Variants in PAMR1 observed in about 807,000 individuals in gnomAD.
The protein encoded by PAMR1 is peptidase domain containing associated with muscle regeneration 1, also known as inactive serine protease PAMR1.
PAMR1 carries 88 observed loss-of-function variants against 81.8 expected under a neutral mutation model. That is an observed-to-expected ratio of 1.08 (90% confidence interval 0.91 to 1.28). The LOEUF (loss-of-function observed/expected upper bound fraction) is 1.28, where lower values mean the gene tolerates loss of function less well. PAMR1 is among the 50% of genes most tolerant of loss of function. The probability of loss-of-function intolerance (pLI) is 0.00; values close to 1 mark genes in which losing one functional copy is unlikely to be tolerated. For missense variants in PAMR1, 935 were observed against 919.7 expected, an observed-to-expected ratio of 1.02 and a Z score of -0.21; for synonymous variants, 336 against 345.3, an observed-to-expected ratio of 0.97 and a Z score of 0.30.
At chr11:35,476,490 T>C (rs1458790510) in intron 3 of PAMR1, among the ~76,000 whole-genome samples, 1 of 152,148 alleles carries the variant, frequency 6.6e-6, no homozygotes, top group Admixed American at 6.5e-5. Context: ...CCTGCTGCCA[T>C]GTGAAGAAGG....
In PAMR1 at chr11:35,432,247, C is replaced by G. The variant is rs1855922104; in HGVS notation, c.*109G>C. 9.4e-7 allele frequency: 1 copy of G among 1,061,054 alleles called. No individual in the cohort carries two copies. The allele number at this position is 1,061,054 out of a possible 1,614,324, so 65.7% of individuals were successfully genotyped here. On this transcript the variant is annotated 3_prime_UTR_variant, in exon 11 of 11. Transcript: ENST00000619888. The stretch of plus-strand genomic sequence containing the variant: ...GTCCCTGAAGTCAGAAGCCCTGGCA[C>G]AGCCAAGTTCACAGGCCAAATCACA...
chr11:35,441,448 T>C (rs1856162499), intron 7 of PAMR1, 33 bp downstream of exon 7: 1 of 1,510,530 alleles, frequency 6.6e-7, no homozygotes, highest in Admixed American at 1.7e-5. Flanking sequence ...ACTTCATCAA[T>C]GTCCGTAGAC....
intron 1 of PAMR1, among the ~76,000 whole-genome samples, chr11:35,497,038 A>G (rs912081081): frequency 9.9e-5 from 15 of 152,112 alleles, no homozygotes; most frequent in Non-Finnish European, 2.9e-5. Flanking sequence ...GCAGTGGTGC[A>G]CACCTGTAAT....
At chr11:35,499,338 T>C (rs1438861892) in intron 1 of PAMR1, among the ~76,000 whole-genome samples, 2 of 152,190 alleles carry the variant, frequency 1.3e-5, no homozygotes, top group Non-Finnish European at 2.9e-5. Context: ...GAACAGCGAA[T>C]ATGCCCATGG....
At chr11:35,444,925 T>C (rs1388040690) in intron 6 of PAMR1, among the ~76,000 whole-genome samples, 2 of 152,228 alleles carry the variant, frequency 1.3e-5, no homozygotes, top group African/African-American at 4.8e-5. Context: ...ATAAATTACT[T>C]TGGGCAGTAT....
chr11:35,513,938 T>A (rs1851117981), intron 1 of PAMR1, among the ~76,000 whole-genome samples: 1 of 152,166 alleles, frequency 6.6e-6, no homozygotes, highest in Non-Finnish European at 1.5e-5. Flanking sequence ...GCACCTTCCC[T>A]CCAGTCCATG....
At chr11:35,507,209 G>A (rs1044393796) in intron 1 of PAMR1, among the ~76,000 whole-genome samples, 2 of 151,780 alleles carry the variant, frequency 1.3e-5, no homozygotes, top group East Asian at 1.9e-4. Context: ...CACCAAGCCC[G>A]GCTAATTTTG....
intron 5 of PAMR1, among the ~76,000 whole-genome samples, chr11:35,469,715 CCTT>C (rs1856815403): frequency 6.6e-6 from 1 of 152,184 alleles, no homozygotes; most frequent in Non-Finnish European, 1.5e-5. Context: ...CAGCCACCCA[CCTT>C]CTTTCCTGAG....
At chr11:35,466,883 C>T (rs1856768012) in intron 6 of PAMR1, among the ~76,000 whole-genome samples, 1 of 152,032 alleles carries the variant, frequency 6.6e-6, no homozygotes, top group South Asian at 2.1e-4. Context: ...TGGTGCTCTG[C>T]CCTCGGGTCT....
rs537014402 is a variant in PAMR1, at chr11:35,504,021, G to A, written c.74-9749C>T. 3.9e-5 allele frequency among the ~76,000 whole-genome samples: 6 copies of A among 152,072 alleles called. No individual in the cohort carries two copies. The East Asian group carries it at 9.6e-4, about 24-fold the overall frequency. Reference sequence around the variant, plus strand: ...ATTGGCTGTTGGTTTGTCACATATGGCCTTTATTATTTTGGACTATGTTCT... The same window carrying A: ...ATTGGCTGTTGGTTTGTCACATATGACCTTTATTATTTTGGACTATGTTCT... On this transcript the variant is annotated intron_variant, in intron 1 of 10. Transcript: ENST00000619888.
intron 1 of PAMR1, among the ~76,000 whole-genome samples, chr11:35,507,235 T>TG (rs909908618): frequency 4.0e-5 from 6 of 151,858 alleles, no homozygotes; most frequent in Non-Finnish European, 7.4e-5. Flanking sequence ...TTAGTAGAGA[T>TG]GGGGTTTCTC....
intron 3 of PAMR1, among the ~76,000 whole-genome samples, chr11:35,477,745 T>A (rs1190066382): frequency 6.6e-6 from 1 of 152,180 alleles, no homozygotes; most frequent in Non-Finnish European, 1.5e-5. Flanking sequence ...GTATCAACGC[T>A]GAGTCTTTGC....
chr11:35,447,760 T>C (rs1053386134), intron 6 of PAMR1, among the ~76,000 whole-genome samples: 1 of 152,198 alleles, frequency 6.6e-6, no homozygotes, highest in Non-Finnish European at 1.5e-5. Flanking sequence ...TACTTCAGTG[T>C]GTTTTTGTAG....
intron 3 of PAMR1, among the ~76,000 whole-genome samples, chr11:35,483,980 T>G (rs1470143924): frequency 6.6e-6 from 1 of 152,200 alleles, no homozygotes; most frequent in Non-Finnish European, 1.5e-5. Flanking sequence ...TCTTTTATTA[T>G]CTTTCTTCTC....
intron 6 of PAMR1, among the ~76,000 whole-genome samples, chr11:35,461,670 C>A (rs1342521852): frequency 4.6e-5 from 7 of 151,832 alleles, no homozygotes; most frequent in Non-Finnish European, 1.0e-4. Flanking sequence ...TATAAAAGGG[C>A]AGCTTCTACT....
At chr11:35,468,423 C>T (rs1481076437) in intron 5 of PAMR1, among the ~76,000 whole-genome samples, 7 of 152,288 alleles carry the variant, frequency 4.6e-5, no homozygotes, top group Non-Finnish European at 7.4e-5. Context: ...TGTATCTCTC[C>T]CATAGGGGTT....
At chr11:35,482,023 G>A (rs1474073861) in intron 3 of PAMR1, among the ~76,000 whole-genome samples, 1 of 152,170 alleles carries the variant, frequency 6.6e-6, no homozygotes, top group East Asian at 1.9e-4. Context: ...TTGCTGTGCA[G>A]AAGCTTTTTA....
Position 35,432,185 on chromosome 11 carries a change from C to A in PAMR1, c.*171G>T. 4.8e-6 allele frequency: 3 copies of A among 621,780 alleles called. No homozygotes were observed. Among genetic ancestry groups the A allele is most frequent in the Non-Finnish European group, 8.4e-6 (3 of 355,128 alleles). The allele number at this position is 621,780 out of a possible 1,614,324, so 38.5% of individuals were successfully genotyped here. A position where few individuals can be genotyped will look rare whatever the true frequency, so the allele number is the denominator to read the frequency against. ...TAGTAGTGGACGCGGCATCAGCCTA[C>A]CAGCAATGGAGGTCTACTCACCCTT... On this transcript the variant is annotated 3_prime_UTR_variant, in exon 11 of 11. Transcript: ENST00000619888.
intron 3 of PAMR1, among the ~76,000 whole-genome samples, chr11:35,476,552 A>G (rs2135384437): frequency 6.6e-6 from 1 of 152,264 alleles, no homozygotes; most frequent in South Asian, 2.1e-4. Context: ...AGACCTCCCC[A>G]GCCACACGGA....
Sources: gnomAD v4.1 joint callset for allele counts (sites outside exome capture counted in the v4.1 genomes callset) on GRCh38, gnomAD v4.1.1 for gene constraint, MANE v1.5 for transcripts, NCBI Gene and HGNC (gene_info 2026-07-23, HGNC 2026-07-21) for gene names.